MAPT: variants seen among roughly 807,000 people sequenced by gnomAD.
The protein encoded by MAPT is microtubule-associated protein tau.
Under a neutral mutation model 67.9 loss-of-function variants are expected in MAPT, and 34 were observed. That is an observed-to-expected ratio of 0.50 (90% confidence interval 0.38 to 0.67). The LOEUF is 0.67. Among genes scored for constraint, MAPT ranks in the 30% least tolerant of loss-of-function variants. The probability of loss-of-function intolerance (pLI) is 0.00; values close to 1 mark genes in which losing one functional copy is unlikely to be tolerated. For synonymous variants in MAPT, 456 were observed against 464.5 expected (o/e 0.98, Z 0.23); for missense variants, 881 against 1,115.2 (o/e 0.79, Z 2.99).
At chr17:45,956,893 C>T (rs1447080119) in intron 1 of MAPT, among the ~76,000 whole-genome samples, 2 of 151,726 alleles carry the variant, frequency 1.3e-5, no homozygotes, top group Non-Finnish European at 2.9e-5. Flanking sequence ...TGATGGTTTC[C>T]AGCTTCATCC....
chr17:46,019,630 A>G (rs770505613), intron 12 of MAPT, among the ~76,000 whole-genome samples: 19 of 151,556 alleles, frequency 1.3e-4, no homozygotes, highest in Non-Finnish European at 2.2e-4. Flanking sequence ...CGGCCTCCCA[A>G]GGTGCTGGGA....
At chr17:45,991,735 G>T in intron 8 of MAPT, 149 bp downstream of exon 8, 1 of 985,338 alleles carries the variant, frequency 1.0e-6, no homozygotes, top group South Asian at 1.4e-5. Flanking sequence ...AGTCTTCATT[G>T]CCTTCTCAGT....
At chr17:45,949,889 G>A (rs1288170652) in intron 1 of MAPT, among the ~76,000 whole-genome samples, 1 of 152,176 alleles carries the variant, frequency 6.6e-6, no homozygotes, top group African/African-American at 2.4e-5. Context: ...CCAGATCGTG[G>A]GAAACCTACA....
intron 9 of MAPT, among the ~76,000 whole-genome samples, chr17:46,003,085 T>C (rs1000166162): frequency 6.7e-6 from 1 of 150,204 alleles, no homozygotes; most frequent in African/African-American, 2.5e-5. Flanking sequence ...TGCCCGACCT[T>C]CTCTTTTTAA....
intron 1 of MAPT, among the ~76,000 whole-genome samples, chr17:45,909,699 C>T (rs1299155441): frequency 1.3e-5 from 2 of 151,912 alleles, no homozygotes; most frequent in Admixed American, 6.6e-5. Flanking sequence ...GGTGAAACCC[C>T]GTGTCTACTA....
intron 8 of MAPT, chr17:45,993,909 A>T: frequency 2.6e-6 from 4 of 1,562,080 alleles, no homozygotes; most frequent in Non-Finnish European, 3.5e-6. Context: ...GCTTTCGTGG[A>T]TTTTTCTCTT....
chr17:45,917,784 CT>C (rs1195621251), intron 1 of MAPT, among the ~76,000 whole-genome samples: 3 of 101,358 alleles, frequency 3.0e-5, no homozygotes, highest in East Asian at 2.2e-4. Flanking sequence ...TTTTTTTTTT[CT>C]TTTTTTTTAA....
intron 8 of MAPT, among the ~76,000 whole-genome samples, chr17:45,994,143 C>A (rs2074290021): frequency 6.6e-6 from 1 of 152,168 alleles, no homozygotes; most frequent in African/African-American, 2.4e-5. Context: ...GTGCAGTTTG[C>A]GCAGCTGTGT....
At chr17:46,003,994 G>A (rs908542502) in intron 9 of MAPT, among the ~76,000 whole-genome samples, 2 of 152,228 alleles carry the variant, frequency 1.3e-5, no homozygotes, top group African/African-American at 4.8e-5. Context: ...AGGTTTTCCT[G>A]TGTCAGTTCC....
At chr17:45,907,302 C>T (rs745457206) in intron 1 of MAPT, among the ~76,000 whole-genome samples, 1 of 152,208 alleles carries the variant, frequency 6.6e-6, no homozygotes, top group Non-Finnish European at 1.5e-5. Context: ...CCTCAGTGTC[C>T]ATCTTCCCCG....
chr17:45,932,954 C>T (rs1210621411), intron 1 of MAPT, among the ~76,000 whole-genome samples: 1 of 151,408 alleles, frequency 6.6e-6, no homozygotes, highest in Non-Finnish European at 1.5e-5. Context: ...CGGTGGTACA[C>T]GCCTGTAATC....
chr17:46,026,226 A>G lies in MAPT; in HGVS notation c.*2055A>G, dbSNP rs1270038822. The G allele has an allele frequency of 6.6e-6, 1 of 152,530 alleles. No homozygotes were observed. The highest frequency in any genetic ancestry group is 1.9e-4 in the East Asian group (1 of 5,176). 9.4% of individuals were successfully genotyped at this position (152,530 alleles called of 1,614,324 possible). A position where few individuals can be genotyped will look rare whatever the true frequency, so the allele number is the denominator to read the frequency against. The stretch of plus-strand genomic sequence containing the variant: ...GGTGCCACCCTGCTGGGGCCTCCCA[A>G]GTTTTGAAAGGCTTTCCTCAGCACC... On this transcript the variant is annotated 3_prime_UTR_variant, in exon 13 of 13. Transcript: ENST00000262410.
intron 9 of MAPT, among the ~76,000 whole-genome samples, chr17:46,005,206 G>T (rs1598360446): frequency 6.6e-6 from 1 of 152,184 alleles, no homozygotes; most frequent in Non-Finnish European, 1.5e-5. Context: ...TGAAAAACTG[G>T]TAAGTTTTCT....
chr17:46,015,176 A>G (rs983571638), intron 11 of MAPT, among the ~76,000 whole-genome samples: 3 of 152,072 alleles, frequency 2.0e-5, no homozygotes, highest in African/African-American at 7.2e-5. Context: ...CCTGGCCAAC[A>G]TGGTGAAACC....
At chr17:45,956,645 A>C (rs1252846489) in intron 1 of MAPT, among the ~76,000 whole-genome samples, 2 of 149,034 alleles carry the variant, frequency 1.3e-5, no homozygotes, top group Non-Finnish European at 3.0e-5. Context: ...TGTGCACAAC[A>C]TGCAGGTTTG....
chr17:45,915,480 T>C lies in MAPT; in HGVS notation c.-18+20794T>C, dbSNP rs62056853. ...TGTATGTTTGAGCATGTGTGGTGTG[T>C]TGTGATATGTGTGTGGTGTGTGAGC... On this transcript the variant is annotated intron_variant, in intron 1 of 12. Transcript: ENST00000262410. The surrounding 1 kb of genome is among the most constrained non-coding windows in gnomAD (Gnocchi z 4.4). Among the ~76,000 whole-genome samples, 153 of 146,208 alleles carry C rather than the reference T, an allele frequency of 1.0e-3. No individual in the cohort carries two copies. The highest frequency in any genetic ancestry group is 3.7e-3 in the African/African-American group (150 of 40,056).
At chr17:45,944,594 G>A (rs62062775) in intron 1 of MAPT, among the ~76,000 whole-genome samples, 23,218 of 152,198 alleles carry the variant, frequency 0.15, 2,364 homozygotes, top group Non-Finnish European at 0.23. Context: ...GGCCCGGGTC[G>A]GGGTACAGGG....
chr17:46,006,855 G>A (rs947091460), intron 9 of MAPT, among the ~76,000 whole-genome samples: 4 of 151,770 alleles, frequency 2.6e-5, no homozygotes, highest in Admixed American at 6.6e-5. Flanking sequence ...CCCGGGAGGC[G>A]GAGCTTGCAG....
At chr17:45,908,885 G>A (rs1315483737) in intron 1 of MAPT, among the ~76,000 whole-genome samples, 1 of 152,194 alleles carries the variant, frequency 6.6e-6, no homozygotes, top group Non-Finnish European at 1.5e-5. Context: ...ATCAGGGTTT[G>A]GAGCAGGTGG....
Sources: gnomAD v4.1 joint callset for allele counts (sites outside exome capture counted in the v4.1 genomes callset) on GRCh38, gnomAD v4.1.1 for gene constraint, Gnocchi (gnomAD v3.1) non-coding constraint, MANE v1.5 for transcripts, NCBI Gene and HGNC (gene_info 2026-07-23, HGNC 2026-07-21) for gene names.